The following EPHA6 variants were observed in gnomAD, a reference collection of about 807,000 sequenced individuals.
EPHA6 encodes ephrin type-A receptor 6.
In EPHA6, 50 loss-of-function variants were observed where a neutral mutation model predicts 112.0. The ratio of observed to expected loss-of-function variants is 0.45; its 90% CI spans 0.36 to 0.56. The LOEUF is 0.56. EPHA6 is among the 20% of genes least tolerant of loss of function. The probability of loss-of-function intolerance (pLI) is 0.00; values close to 1 mark genes in which losing one functional copy is unlikely to be tolerated. For missense variants in EPHA6, 1,280 were observed against 1,417.4 expected, an observed-to-expected ratio of 0.90 and a Z score of 1.56; for synonymous variants, 529 against 490.7, an observed-to-expected ratio of 1.08 and a Z score of -1.03.
chr3:96,881,487 G>A (rs573066299), intron 2 of EPHA6, among the ~76,000 whole-genome samples: 15 of 152,228 alleles, frequency 9.9e-5, no homozygotes, highest in East Asian at 9.7e-4. Flanking sequence ...AACTGACTCC[G>A]TGATTCAGTT....
intron 3 of EPHA6, among the ~76,000 whole-genome samples, chr3:97,090,593 C>T (rs1053632243): frequency 6.6e-6 from 1 of 152,070 alleles, no homozygotes; most frequent in South Asian, 2.1e-4. Context: ...TTCATTGCCT[C>T]ATATGATCTG....
At chr3:97,575,188 A>G (rs778852854) in intron 11 of EPHA6, among the ~76,000 whole-genome samples, 20 of 152,112 alleles carry the variant, frequency 1.3e-4, no homozygotes, top group Admixed American at 3.3e-4. Flanking sequence ...GTGGTACACT[A>G]TTTGGAAGTA....
chr3:97,361,558 C>T (rs573022323), intron 5 of EPHA6, among the ~76,000 whole-genome samples: 2 of 152,196 alleles, frequency 1.3e-5, no homozygotes, highest in East Asian at 3.9e-4. Context: ...GTCAAGGGGC[C>T]ACAGTTCATG....
At chr3:97,093,441 C>T (rs908988201) in intron 3 of EPHA6, among the ~76,000 whole-genome samples, 3 of 151,668 alleles carry the variant, frequency 2.0e-5, no homozygotes, top group Non-Finnish European at 4.4e-5. Context: ...TCCCAGCTGC[C>T]CAGGAGGCTG....
intron 11 of EPHA6, among the ~76,000 whole-genome samples, chr3:97,567,526 T>C (rs1422884372): frequency 6.6e-6 from 1 of 152,224 alleles, no homozygotes; most frequent in African/African-American, 2.4e-5. Context: ...GTTATGTTGA[T>C]GTCCTCCCCA....
intron 12 of EPHA6, among the ~76,000 whole-genome samples, chr3:97,597,030 G>T (rs1429425268): frequency 1.3e-5 from 2 of 150,978 alleles, no homozygotes; most frequent in African/African-American, 4.9e-5. Context: ...AAACTAACAA[G>T]TTTAAGATAT....
intron 2 of EPHA6, among the ~76,000 whole-genome samples, chr3:96,882,252 G>C (rs1254882266): frequency 6.6e-6 from 1 of 152,172 alleles, no homozygotes; most frequent in Non-Finnish European, 1.5e-5. Context: ...TTCTCCATGA[G>C]AGCCCTGCCC....
chr3:97,734,977 C>T (rs934431390), intron 15 of EPHA6, among the ~76,000 whole-genome samples: 2 of 151,918 alleles, frequency 1.3e-5, no homozygotes, highest in African/African-American at 4.8e-5. Flanking sequence ...CTTGTGATTT[C>T]CTTAAGTACC....
intron 5 of EPHA6, among the ~76,000 whole-genome samples, chr3:97,317,407 A>G (rs1391915215): frequency 6.6e-6 from 1 of 151,990 alleles, no homozygotes; most frequent in Non-Finnish European, 1.5e-5. Flanking sequence ...AACTACAAAA[A>G]AAGTGTTTAA....
At chr3:97,175,610 C>T (rs2076815229) in intron 3 of EPHA6, among the ~76,000 whole-genome samples, 1 of 151,644 alleles carries the variant, frequency 6.6e-6, no homozygotes, top group East Asian at 1.9e-4. Context: ...TCCTTCATTT[C>T]TTTGGTTAAT....
At chr3:96,859,494 A>G (rs1444484921) in intron 1 of EPHA6, among the ~76,000 whole-genome samples, 1 of 151,274 alleles carries the variant, frequency 6.6e-6, no homozygotes, top group African/African-American at 2.4e-5. Flanking sequence ...CGATACTCTC[A>G]TCTCAGCCTC....
chr3:97,493,299 C>G (rs1560066986), intron 10 of EPHA6, among the ~76,000 whole-genome samples: 1 of 151,522 alleles, frequency 6.6e-6, no homozygotes, highest in Non-Finnish European at 1.5e-5. Flanking sequence ...ACTGTCATAA[C>G]AAAATATCAC....
At chr3:96,825,280 CT>C (rs973691697) in intron 1 of EPHA6, among the ~76,000 whole-genome samples, 2 of 150,160 alleles carry the variant, frequency 1.3e-5, no homozygotes, top group African/African-American at 4.9e-5. Flanking sequence ...TTTTTTAAAG[CT>C]TTATCTTACC....
At chr3:97,490,181 A>G (rs1168091919) in intron 10 of EPHA6, among the ~76,000 whole-genome samples, 7 of 152,212 alleles carry the variant, frequency 4.6e-5, no homozygotes, top group African/African-American at 1.2e-4. Context: ...TTACGTGACT[A>G]TGTTTATCTG....
At chr3:97,251,796 T>G (rs1404059441) in intron 5 of EPHA6, among the ~76,000 whole-genome samples, 1 of 151,930 alleles carries the variant, frequency 6.6e-6, no homozygotes, top group Non-Finnish European at 1.5e-5. Context: ...CAGTGAAAAA[T>G]AAAAATGCGG....
At chr3:97,402,721 T>C (rs2087069992) in intron 5 of EPHA6, among the ~76,000 whole-genome samples, 1 of 152,202 alleles carries the variant, frequency 6.6e-6, no homozygotes, top group African/African-American at 2.4e-5. Context: ...TAGTGACTTC[T>C]GTAATTCTCT....
chr3:97,481,293 G>T (rs943744256), intron 9 of EPHA6: 17 of 1,535,460 alleles, frequency 1.1e-5, no homozygotes, highest in Non-Finnish European at 1.4e-5. Context: ...TTCATAAAGA[G>T]TATCCGTCTT....
Position 97,639,719 on chromosome 3 carries a change from A to G in EPHA6, c.2784+1637A>G, listed in dbSNP as rs139591057. Reference sequence around the variant, plus strand: ...TGCATACGTAAGTTTTGTTACATCAAATTTAACAACCAGACTCTTGGCATT... The same window carrying G: ...TGCATACGTAAGTTTTGTTACATCAGATTTAACAACCAGACTCTTGGCATT... On this transcript the variant is annotated intron_variant, in intron 14 of 17. Transcript: ENST00000389672. Among the ~76,000 whole-genome samples, 454 of 152,280 alleles carry G rather than the reference A, an allele frequency of 3.0e-3. 4 individuals are homozygous for G. Among genetic ancestry groups the G allele is most frequent in the African/African-American group, 0.01 (422 of 41,562 alleles).
intron 10 of EPHA6, among the ~76,000 whole-genome samples, chr3:97,526,665 C>T (rs1010870679): frequency 2.0e-5 from 3 of 152,128 alleles, no homozygotes; most frequent in African/African-American, 7.2e-5. Flanking sequence ...AGGGCTGTGA[C>T]AGAAGGGCTG....
Sources: gnomAD v4.1 joint callset for allele counts (sites outside exome capture counted in the v4.1 genomes callset) on GRCh38, gnomAD v4.1.1 for gene constraint, MANE v1.5 for transcripts, NCBI Gene and HGNC (gene_info 2026-07-23, HGNC 2026-07-21) for gene names.